The following PIGG variants were observed in gnomAD, a reference collection of about 807,000 sequenced individuals.
PIGG encodes the protein GPI ethanolamine phosphate transferase 2, catalytic subunit.
PIGG carries 70 observed loss-of-function variants against 83.2 expected under a neutral mutation model. The observed-to-expected ratio is 0.84, with a 90% confidence interval of 0.69 to 1.03. The LOEUF is 1.03. Ranked by LOEUF, PIGG falls within the 50% of genes least tolerant of loss-of-function variation. The pLI is 0.00. For synonymous variants in PIGG, 532 were observed against 519.5 expected (o/e 1.02, Z -0.33); for missense variants, 1,257 against 1,233.6 (o/e 1.02, Z -0.28).
At chr4:500,161 C>T (rs1389357205) in intron 1 of PIGG, 1 of 549,178 alleles carries the variant, frequency 1.8e-6, no homozygotes, top group Admixed American at 3.1e-5. Context: ...GTACTCTTCA[C>T]CATACTGAGG....
chr4:500,162 C>A (rs77608071), intron 1 of PIGG: 3 of 550,880 alleles, frequency 5.4e-6, no homozygotes, highest in Non-Finnish European at 9.7e-6. Context: ...TACTCTTCAC[C>A]ATACTGAGGA....
intron 9 of PIGG, chr4:525,457 C>A: frequency 1.5e-6 from 1 of 688,554 alleles, no homozygotes; most frequent in South Asian, 6.5e-5. Flanking sequence ...GAAATGGCAG[C>A]AGAAGGAAAA....
Position 523,469 on chromosome 4 carries a change from A to T in PIGG, c.1625A>T (p.His542Leu). 2 of 1,604,904 alleles carry T rather than the reference A, an allele frequency of 1.2e-6. No individual in the cohort carries two copies. Among genetic ancestry groups the T allele is most frequent in the Non-Finnish European group, 1.7e-6 (2 of 1,173,656 alleles). The change falls in exon 9 of 13, where the codon CAT becomes CTT. Residue 542 changes from histidine to leucine, a missense_variant. Physicochemically the swap from His to Leu is moderately conservative, Grantham distance 99. Coordinates refer to ENST00000453061, the MANE Select transcript of PIGG (RefSeq NM_001127178.3). ...GGNTPRKNPM[H>L]PSSRWSELDL... ...CTTTCCTTTTCACAGAACCCCATGC[A>T]TCCCAGCTCAAGGTGGTCAGAGCTA... is the stretch of plus-strand genomic sequence containing the variant.
chr4:513,333 A>T lies in PIGG; in HGVS notation c.902-2640A>T, dbSNP rs147126420. 9.7e-4 allele frequency among the ~76,000 whole-genome samples: 148 copies of T among 152,348 alleles called. 1 individual carries two copies. The South Asian group carries it at 0.015, about 15-fold the overall frequency. ...TTTTTGTTTTGTTATGTTAATAAAAATAAATGTTAAAATGCTTATTATTTT... is the reference window on the plus strand; with the variant it reads ...TTTTTGTTTTGTTATGTTAATAAAATTAAATGTTAAAATGCTTATTATTTT... On this transcript the variant is annotated intron_variant, in intron 5 of 12. Transcript: ENST00000453061.
chr4:503,885 C>CAG (rs1338175898), intron 2 of PIGG, among the ~76,000 whole-genome samples: 3 of 145,020 alleles, frequency 2.1e-5, no homozygotes, highest in Non-Finnish European at 3.0e-5. Flanking sequence ...CACACACACA[C>CAG]AGAAAAGAGT....
rs1731615253 is a variant in PIGG, at chr4:539,823, GTATT to G, written c.*455_*458del. The G allele has an allele frequency of 6.5e-6, 1 of 153,230 alleles. No individual in the cohort carries two copies. The highest frequency in any genetic ancestry group is 1.5e-5 in the Non-Finnish European group (1 of 68,872). 9.5% of individuals were successfully genotyped at this position (153,230 alleles called of 1,614,324 possible). ...TTGAGATGAAAACTAAGATAAAAAA[GTATT>G]CATTTATAAGGAATCTATTGCATAT... is the stretch of plus-strand genomic sequence containing the variant. On this transcript the variant is annotated 3_prime_UTR_variant, in exon 13 of 13. Coordinates refer to ENST00000453061, the MANE Select transcript of PIGG (RefSeq NM_001127178.3).
At position 508,320 on chromosome 4, in the gene PIGG, C is replaced by G. The variant is rs139720964; in HGVS notation, c.760-509C>G. Among the ~76,000 whole-genome samples the G allele has an allele frequency of 3.8e-3, 573 of 152,330 alleles. 8 individuals carry two copies. The South Asian group carries it at 0.052, about 14-fold the overall frequency. The stretch of plus-strand genomic sequence containing the variant: ...TCTGTGCACGAGTGTTCCAGGAGGA[C>G]CAGCAGCGAGGGTCAGGCACAGCCT... On this transcript the variant is annotated intron_variant, in intron 4 of 12. Coordinates refer to ENST00000453061, the MANE Select transcript of PIGG (RefSeq NM_001127178.3).
At chr4:506,362 CG>C in intron 3 of PIGG, among the ~76,000 whole-genome samples, 1 of 152,288 alleles carries the variant, frequency 6.6e-6, no homozygotes, top group African/African-American at 2.4e-5. Flanking sequence ...GGCAGGTGGC[CG>C]ACTGGGTGGG....
At chr4:535,121 C>T (rs747799517) in intron 12 of PIGG, among the ~76,000 whole-genome samples, 5 of 152,230 alleles carry the variant, frequency 3.3e-5, no homozygotes, top group South Asian at 2.1e-4. Context: ...CCTGGCCTGG[C>T]GGAGTCAGGT....
intron 9 of PIGG, 61 bp from the exon 10 acceptor site, chr4:526,978 G>A: frequency 6.3e-7 from 1 of 1,594,316 alleles, no homozygotes; most frequent in Non-Finnish European, 8.6e-7. Flanking sequence ...AAGCCACTTG[G>A]TGTAGATTGA....
At chr4:503,314 A>G (rs1013696265) in intron 2 of PIGG, among the ~76,000 whole-genome samples, 4 of 150,494 alleles carry the variant, frequency 2.7e-5, no homozygotes, top group African/African-American at 9.7e-5. Flanking sequence ...ACCCTGCTAC[A>G]CTACTCTTTA....
chr4:530,520 C>G lies in PIGG; in HGVS notation c.2346C>G (p.Val782=). The change falls in exon 11 of 13, where the codon GTC becomes GTG. Residue 782 remains valine, a synonymous_variant. Transcript: ENST00000453061. Reference sequence around the variant, plus strand: ...CCAAAGACTTACTTAAATCTCAAGTCATTGCTGCAGACTTCAAACTCAAGA... The same window carrying G: ...CCAAAGACTTACTTAAATCTCAAGTGATTGCTGCAGACTTCAAACTCAAGA... ...TGTKDLLKSQ[V]IAADFKLKTV... 2 of 1,612,900 alleles carry G rather than the reference C, an allele frequency of 1.2e-6. No homozygotes were observed. The highest frequency in any genetic ancestry group is 1.7e-6 in the Non-Finnish European group (2 of 1,178,852).
At chr4:529,414 A>G (rs1028427576) in intron 10 of PIGG, among the ~76,000 whole-genome samples, 42 of 152,210 alleles carry the variant, frequency 2.8e-4, no homozygotes, top group African/African-American at 8.7e-4. Context: ...GGCACATGGT[A>G]TACAGTGCTC....
At chr4:526,422 G>A (rs1048623425) in intron 9 of PIGG, among the ~76,000 whole-genome samples, 1 of 152,228 alleles carries the variant, frequency 6.6e-6, no homozygotes. Context: ...ATCGCGGTCG[G>A]GACTCCGGGC....
At chr4:512,617 C>T (rs1010955850) in intron 5 of PIGG, among the ~76,000 whole-genome samples, 16 of 151,962 alleles carry the variant, frequency 1.1e-4, no homozygotes, top group East Asian at 3.9e-4. Flanking sequence ...AAGTTCGAGA[C>T]CAGCCTGACC....
chr4:525,533 G>A lies in PIGG; in HGVS notation c.2070-1506G>A, dbSNP rs140588351. 247 of 184,616 alleles carry A rather than the reference G, an allele frequency of 1.3e-3. 1 individual carries two copies. The highest frequency in any genetic ancestry group is 5.5e-3 in the African/African-American group (233 of 42,142). The allele number at this position is 184,616 out of a possible 1,614,324, so 11.4% of individuals were successfully genotyped here. On this transcript the variant is annotated intron_variant, in intron 9 of 12. Transcript: ENST00000453061. ...AATGACAGGGTGTGACTTCATACCTGCTGAGGCAGAGAAGCAGAATTGAAT... is the reference window on the plus strand; with the variant it reads ...AATGACAGGGTGTGACTTCATACCTACTGAGGCAGAGAAGCAGAATTGAAT...
At chr4:503,845 T>TACACACACACACAC (rs56841358) in intron 2 of PIGG, among the ~76,000 whole-genome samples, 3 of 145,606 alleles carry the variant, frequency 2.1e-5, no homozygotes, top group African/African-American at 7.7e-5. Flanking sequence ...TGTGATTTTA[T>TACACACACACACAC]ACACACACAC....
chr4:538,496 TC>T (rs371446710), intron 12 of PIGG, among the ~76,000 whole-genome samples: 7 of 152,340 alleles, frequency 4.6e-5, no homozygotes, highest in African/African-American at 1.4e-4. Context: ...TTTCTATTCA[TC>T]GTTTGTATTT....
chr4:521,945 C>T lies in PIGG; in HGVS notation c.1614+4C>T, dbSNP rs377462432. The stretch of plus-strand genomic sequence containing the variant: ...GGGTGGAAACACCCCAAGGAAGGTA[C>T]GTACGGCTGGTTCCTGGGAGTGTGA... On this transcript the variant is annotated splice_donor_region_variant and intron_variant, in intron 8 of 12. Transcript: ENST00000453061. 2.2e-5 allele frequency: 35 copies of T among 1,613,856 alleles called. 2 individuals carry two copies. Among genetic ancestry groups the T allele is most frequent in the Middle Eastern group, 1.6e-4 (1 of 6,082 alleles).
Sources: allele counts gnomAD v4.1 joint callset (sites outside exome capture counted in the v4.1 genomes callset), GRCh38; gene constraint gnomAD v4.1.1; transcripts MANE v1.5; gene names NCBI Gene and HGNC (gene_info 2026-07-23, HGNC 2026-07-21).